Variants in CPE observed in about 807,000 individuals in gnomAD.
CPE encodes carbocypeptidase E.
CPE carries 17 observed loss-of-function variants against 53.5 expected under a neutral mutation model. The ratio of observed to expected loss-of-function variants is 0.32; its 90% CI spans 0.22 to 0.48. CPE has a LOEUF of 0.48. Among genes scored for constraint, CPE ranks in the 20% least tolerant of loss-of-function variants. The pLI is 0.99. For missense variants in CPE, 524 were observed against 614.7 expected (o/e 0.85, Z 1.56); for synonymous variants, 226 against 228.8 (o/e 0.99, Z 0.11).
intron 1 of CPE, among the ~76,000 whole-genome samples, chr4:165,414,027 C>A (rs571885523): frequency 6.6e-6 from 1 of 152,204 alleles, no homozygotes; most frequent in East Asian, 1.9e-4. Context: ...TCGCTTATAG[C>A]ACACTGGGAA....
At chr4:165,479,731 G>A (rs1732368121) in intron 3 of CPE, among the ~76,000 whole-genome samples, 1 of 152,060 alleles carries the variant, frequency 6.6e-6, no homozygotes, top group African/African-American at 2.4e-5. Flanking sequence ...GAAAAGCTAT[G>A]CATTTCTCCC....
At chr4:165,472,170 C>T (rs534879533) in intron 3 of CPE, among the ~76,000 whole-genome samples, 86 of 152,212 alleles carry the variant, frequency 5.7e-4, no homozygotes, top group Non-Finnish European at 9.4e-4. Flanking sequence ...TCTTTTAGTT[C>T]AGTCCATGCA....
At chr4:165,411,138 T>C (rs1182727126) in intron 1 of CPE, among the ~76,000 whole-genome samples, 2 of 152,176 alleles carry the variant, frequency 1.3e-5, no homozygotes, top group Non-Finnish European at 2.9e-5. Context: ...GGCCTCTTTC[T>C]CCTCTCCAGA....
intron 8 of CPE, 118 bp downstream of exon 8, chr4:165,495,795 TG>T (rs1732697100): frequency 1.7e-6 from 1 of 589,256 alleles, no homozygotes; most frequent in Non-Finnish European, 2.8e-6. Context: ...TAGGCAACAT[TG>T]TTATCTCAAC....
At chr4:165,419,166 T>A (rs897803647) in intron 1 of CPE, among the ~76,000 whole-genome samples, 5 of 152,196 alleles carry the variant, frequency 3.3e-5, no homozygotes, top group African/African-American at 1.2e-4. Flanking sequence ...AAATATTAGA[T>A]GCTTCATTCT....
intron 1 of CPE, chr4:165,414,974 G>T (rs4349560): frequency 0.3 from 45,330 of 152,488 alleles, 6,917 homozygotes; most frequent in Middle Eastern, 0.4. Flanking sequence ...TGAATGAGTT[G>T]TCTCATAATC....
intron 1 of CPE, among the ~76,000 whole-genome samples, chr4:165,420,088 T>G (rs1449947626): frequency 1.6e-4 from 24 of 152,178 alleles, no homozygotes; most frequent in Admixed American, 1.4e-3. Context: ...TGTCTTAATA[T>G]CTCAAAGGGC....
At position 165,379,178 on chromosome 4, in the gene CPE, C is replaced by T. The variant is rs1372506492; in HGVS notation, c.-44C>T. 1 of 1,219,834 alleles carries T rather than the reference C, an allele frequency of 8.2e-7. No individual in the cohort carries two copies. 75.6% of individuals were successfully genotyped at this position (1,219,834 alleles called of 1,614,324 possible). A position where few individuals can be genotyped will look rare whatever the true frequency, so the allele number is the denominator to read the frequency against. ...CCCAGGGCCGGGCAGACAAAAGAGG[C>T]CGCCCGCGTAGGAAGGCACGGCCGG... On this transcript the variant is annotated 5_prime_UTR_variant, in exon 1 of 9. Transcript: ENST00000402744. This position sits in a 1 kb window ranked among gnomAD's most constrained non-coding sequence, Gnocchi z 6.0.
chr4:165,482,960 T>A lies in CPE; in HGVS notation c.790+601T>A, dbSNP rs554059371. ...TGCTTTGGATCTATTTTCTGGGGCC[T>A]TTGAAGAGTTAGCTTTTTGTAAAAA... On this transcript the variant is annotated intron_variant, in intron 4 of 8. Transcript: ENST00000402744. Among the ~76,000 whole-genome samples the A allele has an allele frequency of 3.9e-5, 6 of 152,260 alleles. No homozygotes were observed. The South Asian group carries it at 1.0e-3, about 26-fold the overall frequency.
At chr4:165,424,814 G>A (rs1014474223) in intron 1 of CPE, among the ~76,000 whole-genome samples, 2 of 151,956 alleles carry the variant, frequency 1.3e-5, no homozygotes, top group Non-Finnish European at 2.9e-5. Flanking sequence ...GATTACAGGC[G>A]TGAGCCACCG....
intron 1 of CPE, among the ~76,000 whole-genome samples, chr4:165,449,144 T>C (rs916197627): frequency 3.3e-5 from 5 of 152,176 alleles, no homozygotes; most frequent in Non-Finnish European, 5.9e-5. Context: ...ATGAAGGCCA[T>C]TATTATGATT....
chr4:165,477,436 C>A (rs1732323717), intron 3 of CPE, among the ~76,000 whole-genome samples: 3 of 152,204 alleles, frequency 2.0e-5, no homozygotes, highest in East Asian at 3.9e-4. Context: ...AAACTTACTT[C>A]ATAATCATGG....
intron 1 of CPE, chr4:165,405,699 T>C: frequency 1.2e-6 from 1 of 811,212 alleles, no homozygotes; most frequent in Non-Finnish European, 2.2e-6. Flanking sequence ...GTCGCAGAGA[T>C]TCCACCAATT....
At chr4:165,497,253 G>T (rs938466538) in intron 8 of CPE, among the ~76,000 whole-genome samples, 1 of 152,054 alleles carries the variant, frequency 6.6e-6, no homozygotes, top group Non-Finnish European at 1.5e-5. Flanking sequence ...AGAGACTGGG[G>T]CAAGAATTTT....
At chr4:165,466,402 G>A (rs1375605058) in intron 2 of CPE, among the ~76,000 whole-genome samples, 1 of 152,144 alleles carries the variant, frequency 6.6e-6, no homozygotes, top group Non-Finnish European at 1.5e-5. Flanking sequence ...GAATGTGAAG[G>A]CCTAGGACAT....
At chr4:165,429,749 GT>G (rs1731378717) in intron 1 of CPE, among the ~76,000 whole-genome samples, 1 of 151,322 alleles carries the variant, frequency 6.6e-6, no homozygotes, top group Non-Finnish European at 1.5e-5. Context: ...AACACTTCAA[GT>G]TTATAGGAAA....
chr4:165,459,670 T>TGGGGGGGGGG (rs1731959632), intron 1 of CPE, among the ~76,000 whole-genome samples: 1 of 21,132 alleles, frequency 4.7e-5, no homozygotes, highest in African/African-American at 2.3e-4. Flanking sequence ...TTGGGAGGGC[T>TGGGGGGGGGG]GGGTGGGGGG....
chr4:165,454,359 GA>G (rs34141576), intron 1 of CPE, among the ~76,000 whole-genome samples: 27,614 of 151,822 alleles, frequency 0.18, 2,855 homozygotes, highest in East Asian at 0.36. Context: ...TGATGATGTT[GA>G]AAAAAAATAA....
intron 5 of CPE, among the ~76,000 whole-genome samples, chr4:165,485,728 AT>A: frequency 6.6e-6 from 1 of 152,240 alleles, no homozygotes; most frequent in East Asian, 1.9e-4. Flanking sequence ...TAATAACATT[AT>A]TAACAATAGT....
Sources: gnomAD v4.1 joint callset for allele counts (sites outside exome capture counted in the v4.1 genomes callset) on GRCh38, gnomAD v4.1.1 for gene constraint, Gnocchi (gnomAD v3.1) non-coding constraint, MANE v1.5 for transcripts, NCBI Gene and HGNC (gene_info 2026-07-23, HGNC 2026-07-21) for gene names.